The following PBXIP1 variants were observed in gnomAD, a reference collection of about 807,000 sequenced individuals.
PBXIP1 encodes the protein PBX homeobox interacting protein 1, also known as pre-B-cell leukemia transcription factor-interacting protein 1.
In PBXIP1, 73 loss-of-function variants were observed where a neutral mutation model predicts 73.7. The ratio of observed to expected loss-of-function variants is 0.99; its 90% CI spans 0.82 to 1.20. The LOEUF (loss-of-function observed/expected upper bound fraction) is 1.20, where lower values mean the gene tolerates loss of function less well. PBXIP1 is among the 50% of genes most tolerant of loss of function. PBXIP1 has a pLI of 0.00. For synonymous variants in PBXIP1, 330 were observed against 366.9 expected, an observed-to-expected ratio of 0.90 and a Z score of 1.15; for missense variants, 818 against 911.4, an observed-to-expected ratio of 0.90 and a Z score of 1.32.
chr1:154,948,895 C>T (rs926958246), intron 5 of PBXIP1, among the ~76,000 whole-genome samples: 4 of 152,214 alleles, frequency 2.6e-5, no homozygotes, highest in Non-Finnish European at 5.9e-5. Context: ...GCCTGTATGT[C>T]TGACTGCCTG....
rs371826119 is a variant in PBXIP1 at position 154,947,305 on chromosome 1, G to T, written c.870+112C>A. On this transcript the variant is annotated intron_variant, in intron 9 of 10. Transcript: ENST00000368463. Reference sequence around the variant, plus strand: ...ACGCCCTGACTATAGTGGGAGAGGGGAGGGTCAGGATGTGTGGGTAAATAG... The same window carrying T: ...ACGCCCTGACTATAGTGGGAGAGGGTAGGGTCAGGATGTGTGGGTAAATAG... 1,409 of 1,261,668 alleles carry T rather than the reference G, an allele frequency of 1.1e-3. 8 individuals carry two copies. Among genetic ancestry groups the T allele is most frequent in the Middle Eastern group, 8.2e-3 (38 of 4,622 alleles). 78.2% of individuals were successfully genotyped at this position (1,261,668 alleles called of 1,614,324 possible).
In PBXIP1 at chr1:154,951,018, A is replaced by C. The variant is rs937340055; in HGVS notation, c.409+214T>G. ...CATGGCAGAGAGGAAAGAGTCAACC[A>C]GATGTGGGCCCTGCCCCTTACCAGC... is the stretch of plus-strand genomic sequence containing the variant. On this transcript the variant is annotated intron_variant, in intron 5 of 10. Coordinates refer to ENST00000368463, the MANE Select transcript of PBXIP1 (RefSeq NM_020524.4). The surrounding 1 kb of genome is among the most constrained non-coding windows in gnomAD (Gnocchi z 4.3). Among the ~76,000 whole-genome samples the C allele has an allele frequency of 6.6e-6, 1 of 152,242 alleles. No individual in the cohort carries two copies. Among genetic ancestry groups the C allele is most frequent in the South Asian group, 2.1e-4 (1 of 4,834 alleles).
In PBXIP1 at chr1:154,951,389, C is replaced by T. The variant is rs1488874523; in HGVS notation, c.252G>A (p.Leu84=). 1 of 1,613,996 alleles carries T rather than the reference C, an allele frequency of 6.2e-7. No individual in the cohort carries two copies. Among genetic ancestry groups the T allele is most frequent in the Non-Finnish European group, 8.5e-7 (1 of 1,180,002 alleles). The change falls in exon 5 of 11, where the codon CTG becomes CTA. Residue 84 remains leucine, a synonymous_variant. Transcript: ENST00000368463. The surrounding 1 kb of genome is among the most constrained non-coding windows in gnomAD (Gnocchi z 4.3). The part of the protein sequence containing the change: ...LTEETEVKGT[L]EGDVCGVEPP... ...GCTCCACACCACAAACATCACCTTC[C>T]AGGGTGCCCTAATGCAGATGCAGCA...
intron 9 of PBXIP1, chr1:154,947,151 C>T (rs1422991257): frequency 1.7e-6 from 1 of 602,598 alleles, no homozygotes; most frequent in Non-Finnish European, 3.0e-6. Flanking sequence ...CTTTTCCACA[C>T]AGTGCTCCAG....
In PBXIP1 at chr1:154,945,753, C is replaced by G; in HGVS notation, c.1921G>C (p.Ala641Pro). ...QLTKELPLSP[A>P]FFGEDGIFRH... ...AAGATGCCATCCTCACCAAAGAAAG[C>G]AGGTGAGAGGGGTAGCTCCTTGGTC... Residue 641 changes from alanine (A) to proline (P), a missense_variant, in exon 10 of 11, where the codon GCT becomes CCT. Coordinates refer to ENST00000368463, the MANE Select transcript of PBXIP1 (RefSeq NM_020524.4). 1.2e-6 allele frequency: 2 copies of G among 1,614,200 alleles called. No individual in the cohort carries two copies. Among genetic ancestry groups the G allele is most frequent in the Middle Eastern group, 1.6e-4 (1 of 6,062 alleles).
At position 154,947,547 on chromosome 1, in the gene PBXIP1, T is replaced by C. The variant is rs770201272; in HGVS notation, c.740A>G (p.Asp247Gly). 34 of 1,603,536 alleles carry C rather than the reference T, an allele frequency of 2.1e-5. No individual in the cohort carries two copies. The highest frequency in any genetic ancestry group is 2.8e-5 in the Non-Finnish European group (33 of 1,173,322). The change falls in exon 9 of 11, where the codon GAT (aspartate) becomes GGT (glycine). Residue 247 changes from aspartate (D) to glycine (G), a missense_variant and splice_region_variant. By Grantham distance (94) the Asp-to-Gly change is moderately conservative. Transcript: ENST00000368463. Reference protein sequence around the residue: ...EVLEAVGDRQDGLREQLQAPV... With the variant: ...EVLEAVGDRQGGLREQLQAPV... ...GGCCTGCAGCTGTTCCCTTAGCCCA[T>C]CCTGAGGGCAGAAGAGCCTGTTATG... is the stretch of plus-strand genomic sequence containing the variant.
intron 10 of PBXIP1, 50 bp from the exon 11 acceptor site, chr1:154,945,167 G>C (rs1401231160): frequency 3.6e-6 from 5 of 1,400,022 alleles, no homozygotes; most frequent in Non-Finnish European, 5.0e-6. Context: ...AATGAAAACG[G>C]GTTCCCCAAG....
chr1:154,951,201 G>C lies in PBXIP1; in HGVS notation c.409+31C>G, dbSNP rs528087176. 8 of 1,599,980 alleles carry C rather than the reference G, an allele frequency of 5.0e-6. No individual in the cohort carries two copies. In the African/African-American group the frequency reaches 1.1e-4, roughly 21 times the overall value. ...CCCTCTCCCATACCTTCTAGAAGGA[G>C]AGTGACAGGAGAGGCAAGGAAGACT... On this transcript the variant is annotated intron_variant, in intron 5 of 10. Transcript: ENST00000368463. The surrounding 1 kb of genome is among the most constrained non-coding windows in gnomAD (Gnocchi z 4.3).
chr1:154,954,369 T>G (rs1318200949), intron 1 of PBXIP1, among the ~76,000 whole-genome samples: 1 of 152,098 alleles, frequency 6.6e-6, no homozygotes, highest in Non-Finnish European at 1.5e-5. Context: ...AGTTGGGGGG[T>G]AGGCCCGGCT....
chr1:154,946,077 C>T lies in PBXIP1; in HGVS notation c.1597G>A (p.Gly533Ser). Residue 533 changes from glycine (G) to serine (S), a missense_variant, in exon 10 of 11, where the codon GGC becomes AGC. Gly to Ser is a moderately conservative substitution (Grantham distance 56). Coordinates refer to ENST00000368463, the MANE Select transcript of PBXIP1 (RefSeq NM_020524.4). ...RVEESGSKKE[G>S]KRQGPKEPPR... The stretch of plus-strand genomic sequence containing the variant: ...GGTTCCTTCGGGCCCTGTCGCTTGC[C>T]CTCCTTCTTGCTCCCCGACTCCTCC... The T allele has an allele frequency of 6.2e-7, 1 of 1,614,152 alleles. No individual in the cohort carries two copies. Among genetic ancestry groups the T allele is most frequent in the East Asian group, 2.2e-5 (1 of 44,888 alleles).
At position 154,945,541 on chromosome 1, in the gene PBXIP1, CACCCG is replaced by C. The variant is rs1236608528; in HGVS notation, c.2102+26_2102+30del. ...CACATCCTCCCGACTGCCTCTGTCC[CACCCG>C]ACCCAACTCCCCCACAGCTGCCCAC... On this transcript the variant is annotated intron_variant, in intron 10 of 10. Coordinates refer to ENST00000368463, the MANE Select transcript of PBXIP1 (RefSeq NM_020524.4). 3 of 1,596,356 alleles carry C rather than the reference CACCCG, an allele frequency of 1.9e-6. No individual in the cohort carries two copies. In the African/African-American group the frequency reaches 4.0e-5, roughly 21 times the overall value.
In PBXIP1 at chr1:154,944,929, C is replaced by T. The variant is rs1224597803; in HGVS notation, c.*95G>A. ...CTGTGTGAAAGATATCTGAGGACAC[C>T]AAACAAGCCAGGACAGAGTCCACCC... is the stretch of plus-strand genomic sequence containing the variant. On this transcript the variant is annotated 3_prime_UTR_variant, in exon 11 of 11. Transcript: ENST00000368463. 3 of 1,003,330 alleles carry T rather than the reference C, an allele frequency of 3.0e-6. No homozygotes were observed. The highest frequency in any genetic ancestry group is 3.2e-5 in the African/African-American group (2 of 62,912). The allele number at this position is 1,003,330 out of a possible 1,614,324, so 62.2% of individuals were successfully genotyped here.
At chr1:154,952,466 G>A (rs2101988793) in intron 2 of PBXIP1, among the ~76,000 whole-genome samples, 1 of 152,064 alleles carries the variant, frequency 6.6e-6, no homozygotes, top group East Asian at 1.9e-4. Flanking sequence ...ACCACAGACA[G>A]CCTGTCTCCA....
At chr1:154,955,228 AC>A (rs1187684768) in intron 1 of PBXIP1, among the ~76,000 whole-genome samples, 2 of 151,696 alleles carry the variant, frequency 1.3e-5, no homozygotes, top group Non-Finnish European at 2.9e-5. Context: ...TTGTGGCTCC[AC>A]CCCCGCCCTT....
chr1:154,946,634 C>G lies in PBXIP1; in HGVS notation c.1040G>C (p.Arg347Pro), dbSNP rs994613564. 6.2e-7 allele frequency: 1 copy of G among 1,612,140 alleles called. No homozygotes were observed. Among genetic ancestry groups the G allele is most frequent in the South Asian group, 1.1e-5 (1 of 90,992 alleles). ...RLQGLEADCV[R>P]GPDGVCLSGG... ...ACTGAGGCACACCCCATCTGGGCCC[C>G]GGACACAGTCGGCCTCCAGCCCCTG... is the stretch of plus-strand genomic sequence containing the variant. The change falls in exon 10 of 11, where the codon CGG (arginine) becomes CCG (proline). Residue 347 changes from arginine (R) to proline (P), a missense_variant. Transcript: ENST00000368463.
chr1:154,952,099 C>T (rs1270386140), intron 2 of PBXIP1, among the ~76,000 whole-genome samples, 178 bp from the exon 3 acceptor site: 3 of 152,166 alleles, frequency 2.0e-5, no homozygotes, highest in Non-Finnish European at 4.4e-5. Flanking sequence ...GCCAGGTTTC[C>T]GCTACACAGC....
rs149165050 is a variant in PBXIP1 at position 154,954,988 on chromosome 1, G to A, written c.-37+1081C>T. On this transcript the variant is annotated intron_variant, in intron 1 of 10. Coordinates refer to ENST00000368463, the MANE Select transcript of PBXIP1 (RefSeq NM_020524.4). ...CCAACCACATTATCCCCTTCTGTTT[G>A]AGCTGTTTTCAAGTCCTGCGTGGTG... 1.6e-3 allele frequency: 1,553 copies of A among 984,234 alleles called. 1 individual carries two copies. Among genetic ancestry groups the A allele is most frequent in the Non-Finnish European group, 1.8e-3 (1,481 of 828,854 alleles). The allele number at this position is 984,234 out of a possible 1,614,324, so 61.0% of individuals were successfully genotyped here.
intron 10 of PBXIP1, 148 bp downstream of exon 10, chr1:154,945,424 G>A: frequency 1.2e-6 from 1 of 868,554 alleles, no homozygotes; most frequent in Non-Finnish European, 1.8e-6. Context: ...CTACCCTCAA[G>A]GGAAGAAAGG....
At chr1:154,947,609 G>A (rs761586750) in intron 8 of PBXIP1, 33 bp downstream of exon 8, 2 of 1,611,092 alleles carry the variant, frequency 1.2e-6, no homozygotes, top group East Asian at 4.5e-5. Flanking sequence ...CCCCAGCCAG[G>A]CCCCACCTGC....
Sources: gnomAD v4.1 joint callset for allele counts (sites outside exome capture counted in the v4.1 genomes callset) on GRCh38, gnomAD v4.1.1 for gene constraint, Gnocchi (gnomAD v3.1) non-coding constraint, MANE v1.5 for transcripts, NCBI Gene and HGNC (gene_info 2026-07-23, HGNC 2026-07-21) for gene names.